The following DYSF variants were observed in gnomAD, a reference collection of about 807,000 sequenced individuals.
The protein encoded by DYSF is dysferlin, also known as dystrophy-associated fer-1-like 1.
Under a neutral mutation model 274.9 loss-of-function variants are expected in DYSF, and 212 were observed. That is an observed-to-expected ratio of 0.77 (90% CI 0.69 to 0.86). The LOEUF (loss-of-function observed/expected upper bound fraction) is 0.86. Ranked by LOEUF, DYSF falls within the 40% of genes least tolerant of loss-of-function variation. The probability of loss-of-function intolerance (pLI) is 0.00; values close to 1 mark genes in which losing one functional copy is unlikely to be tolerated. For synonymous variants in DYSF, 1,091 were observed against 1,078.7 expected, an observed-to-expected ratio of 1.01 and a Z score of -0.22; for missense variants, 2,666 against 2,783.2, an observed-to-expected ratio of 0.96 and a Z score of 0.95.
At chr2:71,612,108 G>T (rs1381652167) in intron 38 of DYSF, among the ~76,000 whole-genome samples, 1 of 152,232 alleles carries the variant, frequency 6.6e-6, no homozygotes, top group African/African-American at 2.4e-5. Flanking sequence ...CTGAGGAAAA[G>T]AAAATGGTTT....
At chr2:71,460,898 T>A (rs1383938505) in intron 1 of DYSF, among the ~76,000 whole-genome samples, 1 of 131,874 alleles carries the variant, frequency 7.6e-6, no homozygotes, top group Non-Finnish European at 1.6e-5. Flanking sequence ...TGGGGTATGA[T>A]AGGGGCAAAA....
At chr2:71,581,283 C>T (rs1471361612) in intron 30 of DYSF, among the ~76,000 whole-genome samples, 2 of 152,212 alleles carry the variant, frequency 1.3e-5, no homozygotes, top group African/African-American at 4.8e-5. Context: ...CCCTCAGCTC[C>T]CCAGGGGCCA....
At chr2:71,473,619 T>A (rs1232644841) in intron 1 of DYSF, among the ~76,000 whole-genome samples, 1 of 152,192 alleles carries the variant, frequency 6.6e-6, no homozygotes, top group African/African-American at 2.4e-5. Flanking sequence ...AGACATCTTC[T>A]GCTCCTCCTG....
upstream of DYSF, among the ~76,000 whole-genome samples, chr2:71,464,546 G>A (rs944504419): frequency 2.6e-5 from 4 of 152,166 alleles, no homozygotes; most frequent in Admixed American, 6.5e-5. Flanking sequence ...CTGGGGAGGC[G>A]CTGGTCTGGC....
intron 28 of DYSF, 64 bp from the exon 29 acceptor site, chr2:71,570,535 A>C: frequency 6.3e-7 from 1 of 1,597,906 alleles, no homozygotes; most frequent in Non-Finnish European, 8.5e-7. Flanking sequence ...CCAAATTCAG[A>C]GATGGTCCCA....
intron 6 of DYSF, 64 bp from the exon 7 acceptor site, chr2:71,513,652 C>CCAGGGGCAGGGG: frequency 1.9e-6 from 3 of 1,575,064 alleles, no homozygotes; most frequent in Non-Finnish European, 1.7e-6. Flanking sequence ...GGGCTGGGTC[C>CCAGGGGCAGGGG]CAGGGGCAGG....
chr2:71,642,085 C>T (rs543515829), intron 41 of DYSF, among the ~76,000 whole-genome samples: 1 of 152,190 alleles, frequency 6.6e-6, no homozygotes, highest in Non-Finnish European at 1.5e-5. Flanking sequence ...AAGTGTGATA[C>T]CTTCCCCACA....
At position 71,589,575 on chromosome 2, in the gene DYSF, C is replaced by CCAGCTT; in HGVS notation, c.3403-16_3403-11dup. 1 of 1,612,048 alleles carries CCAGCTT rather than the reference C, an allele frequency of 6.2e-7. No homozygotes were observed. The highest frequency in any genetic ancestry group is 8.5e-7 in the Non-Finnish European group (1 of 1,178,204). Reference sequence around the variant, plus strand: ...GGCCTGGGGGCAGAATCTGCCATAACCAGCTTCGTGTCTCCAGGGCGGCGT... The same window carrying CCAGCTT: ...GGCCTGGGGGCAGAATCTGCCATAACCAGCTTCAGCTTCGTGTCTCCAGGGCGGCGT... On this transcript the variant is annotated splice_polypyrimidine_tract_variant and intron_variant, in intron 30 of 55. Transcript: ENST00000410020.
At chr2:71,456,567 T>C (rs770766102) in intron 1 of DYSF, among the ~76,000 whole-genome samples, 5 of 152,162 alleles carry the variant, frequency 3.3e-5, no homozygotes, top group Non-Finnish European at 7.3e-5. Context: ...ACTCTATCTG[T>C]TGTCCCATAA....
At chr2:71,621,326 CT>C (rs988294823) in intron 41 of DYSF, among the ~76,000 whole-genome samples, 2 of 152,042 alleles carry the variant, frequency 1.3e-5, no homozygotes, top group African/African-American at 4.8e-5. Flanking sequence ...CACTGTTGTA[CT>C]GGGGGTCTCA....
chr2:71,551,948 T>C (rs1473042922), intron 19 of DYSF, among the ~76,000 whole-genome samples: 2 of 152,094 alleles, frequency 1.3e-5, no homozygotes, highest in Admixed American at 1.3e-4. Flanking sequence ...TAAATGAAAA[T>C]ATTCAAAAAG....
chr2:71,654,754 A>G (rs557127029), intron 42 of DYSF, among the ~76,000 whole-genome samples: 1 of 152,170 alleles, frequency 6.6e-6, no homozygotes, highest in South Asian at 2.1e-4. Flanking sequence ...TTGACCTTGC[A>G]AAGATTTTCA....
At chr2:71,520,156 T>C (rs2087098820) in intron 10 of DYSF, 22 bp from the exon 11 acceptor site, 1 of 1,614,110 alleles carries the variant, frequency 6.2e-7, no homozygotes, top group South Asian at 1.1e-5. Context: ...GTTTGATTTG[T>C]GTCTCCTCTC....
Position 71,570,744 on chromosome 2 carries a change from G to A in DYSF, c.3228+3G>A. On this transcript the variant is annotated splice_donor_region_variant and intron_variant, in intron 29 of 55. Transcript: ENST00000410020. ...GCCAAATGGAAGCACTGAAAAGGGTGAGCCAGCAGGTGGTGGGTGGGAGTG... is the reference window on the plus strand; with the variant it reads ...GCCAAATGGAAGCACTGAAAAGGGTAAGCCAGCAGGTGGTGGGTGGGAGTG... The A allele has an allele frequency of 6.2e-7, 1 of 1,613,612 alleles. No homozygotes were observed. The highest frequency in any genetic ancestry group is 8.5e-7 in the Non-Finnish European group (1 of 1,179,922).
intron 3 of DYSF, among the ~76,000 whole-genome samples, chr2:71,482,203 G>A (rs2082971688): frequency 6.6e-6 from 1 of 152,180 alleles, no homozygotes; most frequent in African/African-American, 2.4e-5. Context: ...AGATGGGCTG[G>A]AATCAGGTGT....
In DYSF at chr2:71,520,937, C is replaced by G. The variant is rs149932706; in HGVS notation, c.1149+33C>G. ...CATTTCCCTGGGTCTTCCTTACGGT[C>G]CCCCACGCGGCACTTGGTTGCGGAG... On this transcript the variant is annotated intron_variant, in intron 12 of 55. Coordinates refer to ENST00000410020, the MANE Select transcript of DYSF (RefSeq NM_001130987.2). The G allele has an allele frequency of 1.3e-4, 210 of 1,596,952 alleles. 1 individual carries two copies. The highest frequency in any genetic ancestry group is 2.7e-5 in the Non-Finnish European group (31 of 1,164,690).
intron 5 of DYSF, 68 bp from the exon 6 acceptor site, chr2:71,513,172 G>T: frequency 5.6e-6 from 8 of 1,440,936 alleles, no homozygotes; most frequent in Middle Eastern, 1.8e-4. Context: ...TGGAGGTGCA[G>T]TAGGTTGGTT....
chr2:71,491,917 G>C (rs1048322690), intron 3 of DYSF, among the ~76,000 whole-genome samples: 3 of 152,190 alleles, frequency 2.0e-5, no homozygotes, highest in African/African-American at 7.2e-5. Flanking sequence ...GCGGTTTGCT[G>C]TGTTAGAAGT....
intron 40 of DYSF, among the ~76,000 whole-genome samples, chr2:71,617,225 G>A (rs1467182135): frequency 6.6e-6 from 1 of 152,202 alleles, no homozygotes; most frequent in Non-Finnish European, 1.5e-5. Context: ...GAGTGTTGAA[G>A]AATTAGAGAA....
Sources: allele counts gnomAD v4.1 joint callset (sites outside exome capture counted in the v4.1 genomes callset), GRCh38; gene constraint gnomAD v4.1.1; transcripts MANE v1.5; gene names NCBI Gene and HGNC (gene_info 2026-07-23, HGNC 2026-07-21).